Variants in DORIP1 observed in about 807,000 individuals in gnomAD.
DORIP1 encodes the protein dopamine receptor-interacting protein 1.
chr14:44,903,797 A>G, the DORIP1 span: 1 of 980,002 alleles, frequency 1.0e-6, no homozygotes, highest in African/African-American at 1.8e-5. Flanking sequence ...AATTGTACCT[A>G]TTAAGTCCAG....
chr14:44,899,502 CATG>C, the DORIP1 span, among the ~76,000 whole-genome samples: 1 of 152,076 alleles, frequency 6.6e-6, no homozygotes. Context: ...GATTGATTTT[CATG>C]ATTACTCCTC....
the DORIP1 span, among the ~76,000 whole-genome samples, chr14:44,898,394 G>GTAGT: frequency 1.3e-5 from 2 of 152,114 alleles, no homozygotes; most frequent in East Asian, 3.8e-4. Flanking sequence ...GAGTGTAAGG[G>GTAGT]TAGTTACACT....
At chr14:44,903,631 A>C in the DORIP1 span, 2 of 998,934 alleles carry the variant, frequency 2.0e-6, no homozygotes, top group African/African-American at 3.5e-5. Context: ...ACAACTAAAA[A>C]ACTTAACCTA....
chr14:44,900,960 GT>G, the DORIP1 span: 66 of 1,561,830 alleles, frequency 4.2e-5, no homozygotes, highest in East Asian at 1.5e-3. Flanking sequence ...TTAATATAAA[GT>G]AAGTTGGTCT....
At chr14:44,903,210 T>A in the DORIP1 span, 1 of 1,605,262 alleles carries the variant, frequency 6.2e-7, no homozygotes, top group African/African-American at 1.3e-5. Context: ...ATTATAGTCC[T>A]CCCCAAGAAA....
the DORIP1 span, chr14:44,900,615 T>C: frequency 6.2e-7 from 1 of 1,609,772 alleles, no homozygotes; most frequent in South Asian, 1.1e-5. Context: ...GCACCATAGA[T>C]GGATTCTTGA....
the DORIP1 span, chr14:44,900,328 CATTTG>C: frequency 1.5e-5 from 16 of 1,093,732 alleles, no homozygotes; most frequent in East Asian, 3.5e-4. Context: ...CTAATAACCA[CATTTG>C]ATTTGAGTCT....
the DORIP1 span, among the ~76,000 whole-genome samples, chr14:44,899,846 T>A: frequency 1.2e-4 from 17 of 147,586 alleles, no homozygotes; most frequent in African/African-American, 4.3e-4. Flanking sequence ...TTTTTTTTTT[T>A]TTTTGAGATG....
chr14:44,902,870 A>C, the DORIP1 span, among the ~76,000 whole-genome samples: 1 of 152,208 alleles, frequency 6.6e-6, no homozygotes. Flanking sequence ...TTAATCAGGT[A>C]ACTAATCAGC....
chr14:44,904,243 G>A, the DORIP1 span: 4 of 1,353,068 alleles, frequency 3.0e-6, no homozygotes, highest in Non-Finnish European at 3.8e-6. Context: ...GTGATATAAG[G>A]TAGTAATTAC....
the DORIP1 span, among the ~76,000 whole-genome samples, chr14:44,897,991 G>A: frequency 6.6e-6 from 1 of 152,190 alleles, no homozygotes; most frequent in African/African-American, 2.4e-5. Context: ...GGTCCTCACG[G>A]CTAGCTTGGG....
At chr14:44,902,833 G>T in the DORIP1 span, among the ~76,000 whole-genome samples, 1 of 152,010 alleles carries the variant, frequency 6.6e-6, no homozygotes, top group African/African-American at 2.4e-5. Context: ...TCAGGTACTT[G>T]AGGCCAAGAA....
chr14:44,903,934 C>T, the DORIP1 span: 1 of 975,574 alleles, frequency 1.0e-6, no homozygotes, highest in Non-Finnish European at 1.2e-6. Flanking sequence ...CAAGATTTTA[C>T]TGTATAATTC....
chr14:44,903,929 T>C, the DORIP1 span: 3 of 976,856 alleles, frequency 3.1e-6, no homozygotes, highest in Non-Finnish European at 3.6e-6. Flanking sequence ...TTAATCAAGA[T>C]TTTACTGTAT....
chr14:44,900,085 C>A, the DORIP1 span, among the ~76,000 whole-genome samples: 1 of 152,166 alleles, frequency 6.6e-6, no homozygotes, highest in Non-Finnish European at 1.5e-5. Context: ...CCGCCTCAGC[C>A]TCCCAAAGTA....
the DORIP1 span, chr14:44,904,351 T>C: frequency 6.3e-7 from 1 of 1,575,720 alleles, no homozygotes; most frequent in East Asian, 2.3e-5. Flanking sequence ...GAAAGCCAGC[T>C]TTGTCCCAAG....
At chr14:44,906,073 T>C in the DORIP1 span, 43 of 150,522 alleles carry the variant, frequency 2.9e-4, 1 homozygote, top group Admixed American at 2.0e-3. Context: ...ATTAGTTCGA[T>C]TTGCCTAGTA....
chr14:44,905,026 T>G, the DORIP1 span: 1 of 186,922 alleles, frequency 5.3e-6, no homozygotes, highest in Non-Finnish European at 1.1e-5. Context: ...GGTCATAATT[T>G]AAACATAAAA....
the DORIP1 span, chr14:44,901,039 T>C: frequency 3.6e-6 from 5 of 1,400,244 alleles, no homozygotes; most frequent in Admixed American, 9.5e-5. Flanking sequence ...GTGTACCCCA[T>C]AATGACATTT....
Sources: allele counts gnomAD v4.1 joint callset (sites outside exome capture counted in the v4.1 genomes callset), GRCh38; gene constraint gnomAD v4.1.1; transcripts MANE v1.5; gene names NCBI Gene and HGNC (gene_info 2026-07-23, HGNC 2026-07-21).